The following ZNF423 variants were observed in gnomAD, a reference collection of about 807,000 sequenced individuals.
The protein encoded by ZNF423 is Ebf-associated zinc finger protein.
A neutral mutation model predicts 95.8 loss-of-function variants in ZNF423; 12 were observed. The observed-to-expected ratio is 0.13, with a 90% CI of 0.08 to 0.20. ZNF423 has a LOEUF of 0.20. Among genes scored for constraint, ZNF423 ranks in the 10% least tolerant of loss-of-function variants. The pLI is 1.00. For missense variants in ZNF423, 1,316 were observed against 1,737.1 expected (o/e 0.76, Z 4.31); for synonymous variants, 749 against 711.9 (o/e 1.05, Z -0.83).
intron 5 of ZNF423, among the ~76,000 whole-genome samples, chr16:49,593,182 A>G (rs923519745): frequency 3.3e-5 from 5 of 152,184 alleles, no homozygotes; most frequent in African/African-American, 1.2e-4. Context: ...GTGGTGGCTC[A>G]TGCCTGTAAT....
At chr16:49,806,536 A>T (rs2034666023) in intron 1 of ZNF423, among the ~76,000 whole-genome samples, 1 of 152,210 alleles carries the variant, frequency 6.6e-6, no homozygotes. Context: ...ACTGTAAATA[A>T]ATGTCAGTTC....
intron 1 of ZNF423, chr16:49,854,079 C>T (rs1355937496): frequency 6.1e-6 from 6 of 985,302 alleles, no homozygotes; most frequent in Non-Finnish European, 7.2e-6. Context: ...AAAAGAGAAA[C>T]ATCCACCCTT....
chr16:49,780,547 T>C (rs2034194365), intron 2 of ZNF423: 1 of 152,242 alleles, frequency 6.6e-6, no homozygotes, highest in Non-Finnish European at 1.5e-5. Context: ...CTGCTCACCA[T>C]GGTAACAGAG....
intron 2 of ZNF423, among the ~76,000 whole-genome samples, chr16:49,783,267 G>T (rs2034244688): frequency 6.6e-6 from 1 of 151,652 alleles, no homozygotes; most frequent in South Asian, 2.1e-4. Flanking sequence ...GGGAGAGGGG[G>T]TGATTAGGGT....
At chr16:49,705,461 GACTCTCTGGA>G (rs1390505733) in intron 3 of ZNF423, among the ~76,000 whole-genome samples, 2 of 152,216 alleles carry the variant, frequency 1.3e-5, no homozygotes, top group African/African-American at 4.8e-5. Context: ...ATGCCAAAAT[GACTCTCTGGA>G]TCTCTAGGTT....
chr16:49,537,107 T>A (rs1047625471), intron 5 of ZNF423, among the ~76,000 whole-genome samples: 2 of 152,244 alleles, frequency 1.3e-5, no homozygotes, highest in African/African-American at 4.8e-5. Flanking sequence ...AACATAAACC[T>A]ACACCCTGAT....
rs536338057 is a variant in ZNF423, at chr16:49,691,104, A to G, written c.301+39667T>C. 8.6e-4 allele frequency among the ~76,000 whole-genome samples: 131 copies of G among 152,372 alleles called. No individual in the cohort carries two copies. In the South Asian group the frequency reaches 0.013, roughly 15 times the overall value. ...GCCCTTAGTGGGGAAGAATCAGCCG[A>G]CCAGGGCAGAGGGCCCGACAGAGGG... On this transcript the variant is annotated intron_variant, in intron 3 of 7. Coordinates refer to ENST00000563137, the MANE Select transcript of ZNF423 (RefSeq NM_001379286.1).
intron 1 of ZNF423, among the ~76,000 whole-genome samples, chr16:49,815,088 C>A (rs2034816247): frequency 6.6e-6 from 1 of 152,266 alleles, no homozygotes; most frequent in Non-Finnish European, 1.5e-5. Context: ...CGGGGCTCGG[C>A]CGCTCATCAG....
At position 49,568,607 on chromosome 16, in the gene ZNF423, C is replaced by T. The variant is rs539553957; in HGVS notation, c.3602-43113G>A. Among the ~76,000 whole-genome samples, 27 of 152,270 alleles carry T rather than the reference C, an allele frequency of 1.8e-4. 1 individual carries two copies. Among genetic ancestry groups the T allele is most frequent in the African/African-American group, 5.1e-4 (21 of 41,548 alleles). On this transcript the variant is annotated intron_variant, in intron 5 of 7. Transcript: ENST00000563137. Reference sequence around the variant, plus strand: ...CTCTGTCTGTCTCCCTTCCTGCCTCCGCCTGCTCTCCTGCCCCACAGTATT... The same window carrying T: ...CTCTGTCTGTCTCCCTTCCTGCCTCTGCCTGCTCTCCTGCCCCACAGTATT...
intron 3 of ZNF423, among the ~76,000 whole-genome samples, chr16:49,676,836 G>C (rs968062456): frequency 6.6e-6 from 1 of 152,198 alleles, no homozygotes; most frequent in African/African-American, 2.4e-5. Context: ...AAAGGAGTGG[G>C]GATGGTGGAC....
chr16:49,532,500 G>A (rs1452879209), intron 5 of ZNF423, among the ~76,000 whole-genome samples: 1 of 152,236 alleles, frequency 6.6e-6, no homozygotes, highest in Non-Finnish European at 1.5e-5. Flanking sequence ...ATGGTCCCCT[G>A]TGTTTCACAA....
At chr16:49,730,054 G>T (rs1249753837) in intron 3 of ZNF423, among the ~76,000 whole-genome samples, 1 of 152,104 alleles carries the variant, frequency 6.6e-6, no homozygotes, top group East Asian at 1.9e-4. Flanking sequence ...GCCCAGAAAT[G>T]TGTCATCCCT....
chr16:49,587,225 T>C (rs1970869223), intron 5 of ZNF423, among the ~76,000 whole-genome samples: 1 of 152,082 alleles, frequency 6.6e-6, no homozygotes, highest in South Asian at 2.1e-4. Context: ...TCTGCAGAGC[T>C]CCTGAGCCCC....
chr16:49,781,582 A>G (rs569002150), intron 2 of ZNF423, among the ~76,000 whole-genome samples: 67 of 152,324 alleles, frequency 4.4e-4, no homozygotes, highest in African/African-American at 1.5e-3. Flanking sequence ...TATGCACTCC[A>G]GCAAAACACA....
upstream of ZNF423, among the ~76,000 whole-genome samples, chr16:49,859,010 G>A (rs1047250312): frequency 2.0e-5 from 3 of 152,222 alleles, no homozygotes; most frequent in African/African-American, 7.2e-5. Context: ...ACGGCCCCCA[G>A]CTCGCCCGCC....
intron 5 of ZNF423, among the ~76,000 whole-genome samples, chr16:49,599,945 C>T (rs1971306696): frequency 2.0e-5 from 3 of 152,166 alleles, no homozygotes; most frequent in Admixed American, 2.0e-4. Flanking sequence ...GCTGGTTACA[C>T]AGGTGTACAC....
intron 7 of ZNF423, among the ~76,000 whole-genome samples, chr16:49,515,944 C>T (rs1968122151): frequency 6.6e-6 from 1 of 152,206 alleles, no homozygotes; most frequent in African/African-American, 2.4e-5. Context: ...GATAGGGCCC[C>T]AGGCCTTCAT....
intron 2 of ZNF423, among the ~76,000 whole-genome samples, chr16:49,771,233 C>T (rs1343554180): frequency 1.6e-5 from 2 of 122,512 alleles, no homozygotes; most frequent in Non-Finnish European, 3.2e-5. Flanking sequence ...CTCACTCTCT[C>T]ACTCTGTCAC....
chr16:49,839,725 G>C (rs530864812), intron 1 of ZNF423, among the ~76,000 whole-genome samples: 1 of 152,272 alleles, frequency 6.6e-6, no homozygotes, highest in South Asian at 2.1e-4. Context: ...TGAAGCTGCA[G>C]CCTGCACCTT....
Sources: gnomAD v4.1 joint callset for allele counts (sites outside exome capture counted in the v4.1 genomes callset) on GRCh38, gnomAD v4.1.1 for gene constraint, MANE v1.5 for transcripts, NCBI Gene and HGNC (gene_info 2026-07-23, HGNC 2026-07-21) for gene names.